The following ATXN7L1 variants were observed in gnomAD, a reference collection of about 807,000 sequenced individuals.
ATXN7L1 encodes ataxin 7 like 1.
ATXN7L1 carries 15 observed loss-of-function variants against 70.8 expected under a neutral mutation model. The observed-to-expected ratio is 0.21, with a 90% confidence interval of 0.14 to 0.33. The LOEUF (loss-of-function observed/expected upper bound fraction) is 0.33. ATXN7L1 is among the 10% of genes least tolerant of loss of function. The pLI is 1.00. For missense variants in ATXN7L1, 975 were observed against 1,097.1 expected (o/e 0.89, Z 1.57); for synonymous variants, 440 against 445.1 (o/e 0.99, Z 0.14).
chr7:105,633,927 C>T (rs1193664656), intron 7 of ATXN7L1, among the ~76,000 whole-genome samples: 1 of 152,104 alleles, frequency 6.6e-6, no homozygotes, highest in South Asian at 2.1e-4. Context: ...ACGGTGTGCT[C>T]GTGTGTGCAC....
chr7:105,693,214 G>A (rs902455702), intron 3 of ATXN7L1, among the ~76,000 whole-genome samples: 1 of 151,106 alleles, frequency 6.6e-6, no homozygotes, highest in Non-Finnish European at 1.5e-5. Context: ...TTTAAATAGA[G>A]ACAAGGTTTC....
chr7:105,608,654 C>G (rs558666585), intron 11 of ATXN7L1, among the ~76,000 whole-genome samples: 2 of 152,222 alleles, frequency 1.3e-5, no homozygotes, highest in Admixed American at 1.3e-4. Context: ...AATGTGCCTT[C>G]CCACCCCAGC....
intron 3 of ATXN7L1, among the ~76,000 whole-genome samples, chr7:105,673,783 G>T (rs1804156138): frequency 6.6e-6 from 1 of 152,228 alleles, no homozygotes; most frequent in Non-Finnish European, 1.5e-5. Context: ...CTGCATTTGA[G>T]AAACTTGCCC....
At chr7:105,709,893 T>A (rs1793668271) in intron 3 of ATXN7L1, among the ~76,000 whole-genome samples, 1 of 149,796 alleles carries the variant, frequency 6.7e-6, no homozygotes, top group Non-Finnish European at 1.5e-5. Flanking sequence ...TTTTTTTTGA[T>A]ACAGAGTCTC....
intron 3 of ATXN7L1, among the ~76,000 whole-genome samples, chr7:105,750,167 G>A (rs973507713): frequency 6.6e-6 from 1 of 151,772 alleles, no homozygotes; most frequent in African/African-American, 2.4e-5. Context: ...TCCAAGGAAG[G>A]GTAAGTCCCT....
chr7:105,610,707 T>TTCA, intron 10 of ATXN7L1, 104 bp from the exon 11 acceptor site: 1 of 943,644 alleles, frequency 1.1e-6, no homozygotes, highest in Non-Finnish European at 1.6e-6. Flanking sequence ...CAATGCCTCC[T>TTCA]TCATTCCCTC....
chr7:105,833,988 G>A (rs1049755761), intron 2 of ATXN7L1, among the ~76,000 whole-genome samples: 10 of 152,122 alleles, frequency 6.6e-5, no homozygotes, highest in African/African-American at 2.2e-4. Context: ...TATTCAACAT[G>A]GTTTACTGAA....
chr7:105,652,004 G>A (rs540747728), intron 4 of ATXN7L1, among the ~76,000 whole-genome samples: 1 of 152,274 alleles, frequency 6.6e-6, no homozygotes, highest in Admixed American at 6.5e-5. Flanking sequence ...CCAGGGCATG[G>A]AGCTCAGAAG....
chr7:105,641,674 C>T (rs190190558), intron 5 of ATXN7L1, among the ~76,000 whole-genome samples: 42 of 152,360 alleles, frequency 2.8e-4, no homozygotes, highest in Admixed American at 2.2e-3. Flanking sequence ...CCAAGCTTTC[C>T]ATGCAGGAAG....
At chr7:105,840,914 C>G (rs560999917) in intron 2 of ATXN7L1, among the ~76,000 whole-genome samples, 2 of 152,120 alleles carry the variant, frequency 1.3e-5, no homozygotes, top group Non-Finnish European at 2.9e-5. Flanking sequence ...CTCTCAGAAC[C>G]CTTATAGGGA....
At chr7:105,747,878 T>C (rs1444056391) in intron 3 of ATXN7L1, among the ~76,000 whole-genome samples, 1 of 71,282 alleles carries the variant, frequency 1.4e-5, no homozygotes, top group Non-Finnish European at 2.2e-5. Flanking sequence ...CCCAGCACTT[T>C]GGGAGGCTGA....
chr7:105,824,191 C>T (rs1810537695), intron 2 of ATXN7L1, among the ~76,000 whole-genome samples: 1 of 152,172 alleles, frequency 6.6e-6, no homozygotes, highest in Non-Finnish European at 1.5e-5. Flanking sequence ...CATATGCTGG[C>T]AACTGAAAAT....
intron 2 of ATXN7L1, among the ~76,000 whole-genome samples, chr7:105,793,884 T>C (rs976380388): frequency 1.3e-5 from 2 of 152,146 alleles, no homozygotes; most frequent in African/African-American, 4.8e-5. Context: ...GTACATTGGC[T>C]TCTGGGTCAA....
intron 3 of ATXN7L1, among the ~76,000 whole-genome samples, chr7:105,729,980 G>A (rs1388023560): frequency 2.0e-5 from 3 of 151,844 alleles, no homozygotes; most frequent in African/African-American, 4.8e-5. Context: ...CTAGTGATCC[G>A]CCCGTCTCGG....
At chr7:105,666,911 C>T (rs937420413) in intron 3 of ATXN7L1, among the ~76,000 whole-genome samples, 3 of 152,172 alleles carry the variant, frequency 2.0e-5, no homozygotes, top group Non-Finnish European at 4.4e-5. Context: ...CTTCAGTTTA[C>T]CACTTAAACT....
intron 3 of ATXN7L1, among the ~76,000 whole-genome samples, chr7:105,700,330 ACC>A (rs539090024): frequency 0.21 from 31,376 of 151,454 alleles, 3,443 homozygotes; most frequent in East Asian, 0.31. Context: ...ACATGGTGAA[ACC>A]CCATCTCTAC....
At chr7:105,697,307 C>T (rs923815014) in intron 3 of ATXN7L1, among the ~76,000 whole-genome samples, 19 of 152,132 alleles carry the variant, frequency 1.2e-4, no homozygotes, top group East Asian at 5.8e-4. Context: ...GAGACAGGTA[C>T]GCCCCAGAGG....
chr7:105,774,537 G>C (rs1290245709), intron 3 of ATXN7L1, among the ~76,000 whole-genome samples: 1 of 151,960 alleles, frequency 6.6e-6, no homozygotes, highest in Non-Finnish European at 1.5e-5. Context: ...ATTTTTAGTA[G>C]AGACGGGGTT....
intron 2 of ATXN7L1, among the ~76,000 whole-genome samples, chr7:105,842,974 T>G (rs186383870): frequency 9.8e-5 from 15 of 152,346 alleles, no homozygotes; most frequent in African/African-American, 3.1e-4. Context: ...GTTGAGCATC[T>G]TTTCATGTAC....
Sources: gnomAD v4.1 joint callset for allele counts (sites outside exome capture counted in the v4.1 genomes callset) on GRCh38, gnomAD v4.1.1 for gene constraint, MANE v1.5 for transcripts, NCBI Gene and HGNC (gene_info 2026-07-23, HGNC 2026-07-21) for gene names.